Variants in COL10A1 observed in about 807,000 individuals in gnomAD.
COL10A1 encodes the protein collagen alpha-1(X) chain.
COL10A1 carries 10 observed loss-of-function variants against 18.2 expected under a neutral mutation model. That is an observed-to-expected ratio of 0.55 (90% CI 0.34 to 0.93). The LOEUF is 0.93. Among genes scored for constraint, COL10A1 ranks in the 40% least tolerant of loss-of-function variants. COL10A1 has a pLI of 0.02. For missense variants in COL10A1, 897 were observed against 853.5 expected (o/e 1.05, Z -0.64); for synonymous variants, 330 against 316.6 (o/e 1.04, Z -0.45).
intron 1 of COL10A1, among the ~76,000 whole-genome samples, chr6:116,152,937 C>T (rs1780085438): frequency 6.6e-6 from 1 of 152,046 alleles, no homozygotes; most frequent in African/African-American, 2.4e-5. Flanking sequence ...TATAATCCTC[C>T]TCCATACTGC....
At chr6:116,212,511 C>G in the COL10A1 span, among the ~76,000 whole-genome samples, 5 of 152,060 alleles carry the variant, frequency 3.3e-5, no homozygotes, top group Non-Finnish European at 7.4e-5. Context: ...ACTCTGCATA[C>G]TTTTGGCTTT....
intron 1 of COL10A1, among the ~76,000 whole-genome samples, chr6:116,133,925 G>T (rs1295721069): frequency 1.3e-5 from 2 of 152,100 alleles, no homozygotes; most frequent in African/African-American, 4.8e-5. Flanking sequence ...ATTAATAGTG[G>T]TTTTTTTCCC....
chr6:116,132,891 C>G (rs1355979788), intron 1 of COL10A1, among the ~76,000 whole-genome samples: 2 of 152,076 alleles, frequency 1.3e-5, no homozygotes, highest in Non-Finnish European at 2.9e-5. Flanking sequence ...TTCTTAGGTG[C>G]CATTATAGAG....
chr6:116,167,206 A>ATTTTTTTT, the COL10A1 span, among the ~76,000 whole-genome samples: 3 of 87,796 alleles, frequency 3.4e-5, no homozygotes, highest in Non-Finnish European at 6.3e-5. Flanking sequence ...CAAATAGAAG[A>ATTTTTTTT]TTTTTTTTTT....
rs1223166413 is a variant in COL10A1 at position 116,120,607 on chromosome 6, C to G, written c.1509G>C (p.Glu503Asp). 1 of 1,575,988 alleles carries G rather than the reference C, an allele frequency of 6.3e-7. No individual in the cohort carries two copies. The highest frequency in any genetic ancestry group is 8.6e-7 in the Non-Finnish European group (1 of 1,165,732). ...GPPGPRGHSG[E>D]PGLPGPPGPP... ...GCCCAGGGGGCCCTGGAAGACCAGG[C>G]TCTCCAGAGTGGCCTCTTGGACCTG... Residue 503 changes from glutamate (E) to aspartate (D), a missense_variant, in exon 3 of 3, where the codon GAG (glutamate) becomes GAC (aspartate). By Grantham distance (45) the Glu-to-Asp change is conservative (BLOSUM62 2). Transcript: ENST00000651968.
At chr6:116,183,785 T>C in the COL10A1 span, among the ~76,000 whole-genome samples, 1 of 152,092 alleles carries the variant, frequency 6.6e-6, no homozygotes, top group Non-Finnish European at 1.5e-5. Context: ...ATTTACCATT[T>C]CTAGGAGCTT....
At chr6:116,171,886 A>G in the COL10A1 span, among the ~76,000 whole-genome samples, 1 of 152,190 alleles carries the variant, frequency 6.6e-6, no homozygotes, top group African/African-American at 2.4e-5. Context: ...TTTGTTTTCT[A>G]TATACAGGGA....
Position 116,121,363 on chromosome 6 carries a change from G to C in COL10A1, c.753C>G (p.Pro251=), listed in dbSNP as rs1779118080. 1 of 1,613,814 alleles carries C rather than the reference G, an allele frequency of 6.2e-7. No individual in the cohort carries two copies. The highest frequency in any genetic ancestry group is 1.1e-5 in the South Asian group (1 of 91,068). ...GEMGPIGPPG[P]QGPPGERGPE... Reference sequence around the variant, plus strand: ...GCCCTCGTTCCCCAGGAGGGCCTTGGGGACCTGGTGGGCCAATTGGTCCCA... The same window carrying C: ...GCCCTCGTTCCCCAGGAGGGCCTTGCGGACCTGGTGGGCCAATTGGTCCCA... Residue 251 remains proline (P), a synonymous_variant, in exon 3 of 3, where the codon CCC becomes CCG. Transcript: ENST00000651968.
intron 1 of COL10A1, among the ~76,000 whole-genome samples, chr6:116,137,781 A>G (rs1779649121): frequency 6.6e-6 from 1 of 152,172 alleles, no homozygotes; most frequent in Non-Finnish European, 1.5e-5. Flanking sequence ...GTGAGAATCT[A>G]TTAGAAAATG....
chr6:116,128,541 A>T (rs542285561), upstream of COL10A1, among the ~76,000 whole-genome samples: 1 of 152,150 alleles, frequency 6.6e-6, no homozygotes, highest in African/African-American at 2.4e-5. Flanking sequence ...GCAGTTAGCT[A>T]CTATTAAGCT....
At chr6:116,181,833 T>C in the COL10A1 span, among the ~76,000 whole-genome samples, 1 of 152,060 alleles carries the variant, frequency 6.6e-6, no homozygotes, top group African/African-American at 2.4e-5. Context: ...TCAAATTAAT[T>C]ATATAAATTC....
rs11968276 is a variant in COL10A1 at position 116,131,245 on chromosome 6, A to T, written c.-15-5738T>A. On this transcript the variant is annotated intron_variant, in intron 1 of 1. Coordinates refer to the COL10A1 transcript ENST00000418500. Reference sequence around the variant, plus strand: ...CCAATATAAGCCAGCTCCAGCAAACATTGTATATTTCTGAAGTCAAATTTA... The same window carrying T: ...CCAATATAAGCCAGCTCCAGCAAACTTTGTATATTTCTGAAGTCAAATTTA... 3.2e-3 allele frequency among the ~76,000 whole-genome samples: 491 copies of T among 152,310 alleles called. 2 individuals carry two copies. The highest frequency in any genetic ancestry group is 0.012 in the African/African-American group (480 of 41,560).
intron 1 of COL10A1, among the ~76,000 whole-genome samples, chr6:116,156,238 G>GT (rs1780190225): frequency 6.6e-6 from 1 of 152,036 alleles, no homozygotes; most frequent in South Asian, 2.1e-4. Context: ...ACTTTCTGTA[G>GT]TTTTTTCCTC....
chr6:116,178,305 T>C, the COL10A1 span, among the ~76,000 whole-genome samples: 31 of 152,122 alleles, frequency 2.0e-4, no homozygotes, highest in African/African-American at 6.5e-4. Flanking sequence ...TCAGGTGACA[T>C]TGGGCGCATT....
chr6:116,182,235 G>GTGTGTGTGTGTA, the COL10A1 span, among the ~76,000 whole-genome samples: 1,015 of 151,384 alleles, frequency 6.7e-3, 13 homozygotes, highest in African/African-American at 0.02. Flanking sequence ...GTGTGTGTGT[G>GTGTGTGTGTGTA]TGTGTGTGTG....
chr6:116,210,919 A>G, the COL10A1 span, among the ~76,000 whole-genome samples: 1 of 152,018 alleles, frequency 6.6e-6, no homozygotes, highest in Non-Finnish European at 1.5e-5. Flanking sequence ...GTCTACAAAG[A>G]TAGCTCTCTA....
At chr6:116,210,576 G>T in the COL10A1 span, among the ~76,000 whole-genome samples, 2 of 151,868 alleles carry the variant, frequency 1.3e-5, no homozygotes, top group African/African-American at 4.8e-5. Context: ...AATCATATAG[G>T]ACCTGTTCCT....
chr6:116,198,255 C>T, the COL10A1 span, among the ~76,000 whole-genome samples: 2 of 152,024 alleles, frequency 1.3e-5, no homozygotes, highest in African/African-American at 4.8e-5. Flanking sequence ...TTCAAAGCCA[C>T]GTAACTATTC....
the COL10A1 span, among the ~76,000 whole-genome samples, chr6:116,187,759 A>G: frequency 6.6e-6 from 1 of 152,124 alleles, no homozygotes; most frequent in Non-Finnish European, 1.5e-5. Context: ...TAAAGCTATC[A>G]GAAGAAAATC....
Sources: gnomAD v4.1 joint callset for allele counts (sites outside exome capture counted in the v4.1 genomes callset) on GRCh38, gnomAD v4.1.1 for gene constraint, MANE v1.5 for transcripts, NCBI Gene and HGNC (gene_info 2026-07-23, HGNC 2026-07-21) for gene names.